The following ZBTB20 variants were observed in gnomAD, a reference collection of about 807,000 sequenced individuals.
ZBTB20 encodes the protein zinc finger and BTB domain-containing protein 20.
ZBTB20 carries 9 observed loss-of-function variants against 56.9 expected under a neutral mutation model. The ratio of observed to expected loss-of-function variants is 0.16; its 90% CI spans 0.10 to 0.28. The LOEUF (loss-of-function observed/expected upper bound fraction) is 0.28. Among genes scored for constraint, ZBTB20 ranks in the 10% least tolerant of loss-of-function variants. The probability of loss-of-function intolerance (pLI) is 1.00; values close to 1 mark genes in which losing one functional copy is unlikely to be tolerated. For missense variants in ZBTB20, 655 were observed against 1,003.0 expected, an observed-to-expected ratio of 0.65 and a Z score of 4.69; for synonymous variants, 417 against 420.7, an observed-to-expected ratio of 0.99 and a Z score of 0.11.
chr3:114,997,142 T>A (rs1407209470), intron 2 of ZBTB20, among the ~76,000 whole-genome samples: 2 of 151,796 alleles, frequency 1.3e-5, no homozygotes, highest in African/African-American at 4.8e-5. Context: ...GAGGTTTAAC[T>A]TGGAAAACAG....
At chr3:114,518,444 C>T (rs1324407379) in intron 6 of ZBTB20, 3 of 152,080 alleles carry the variant, frequency 2.0e-5, no homozygotes, top group African/African-American at 4.8e-5. Context: ...AAATCAAAGC[C>T]GTTTTGAGGT....
intron 2 of ZBTB20, among the ~76,000 whole-genome samples, chr3:115,052,926 T>C (rs1370267000): frequency 1.3e-5 from 2 of 152,148 alleles, no homozygotes; most frequent in Non-Finnish European, 2.9e-5. Context: ...AATTTTTAAT[T>C]AATTTCAAAA....
chr3:114,844,912 T>C (rs1338840184), intron 4 of ZBTB20, among the ~76,000 whole-genome samples: 3 of 145,128 alleles, frequency 2.1e-5, no homozygotes, highest in African/African-American at 7.6e-5. Flanking sequence ...CCCATTTAAA[T>C]AATATGTTGT....
intron 3 of ZBTB20, among the ~76,000 whole-genome samples, chr3:114,928,872 CA>C (rs1438864377): frequency 6.6e-6 from 1 of 152,114 alleles, no homozygotes; most frequent in East Asian, 1.9e-4. Context: ...AAGAAATAAA[CA>C]AAAACCAGGA....
chr3:114,612,806 A>G (rs6790584), intron 6 of ZBTB20, among the ~76,000 whole-genome samples: 27 of 152,338 alleles, frequency 1.8e-4, no homozygotes, highest in African/African-American at 6.5e-4. Flanking sequence ...AGCAGCTAAG[A>G]TAAGAAGCAT....
At position 114,792,354 on chromosome 3, in the gene ZBTB20, A is replaced by C. The variant is rs2071021640; in HGVS notation, c.-343+8747T>G. Among the ~76,000 whole-genome samples, 5 of 152,308 alleles carry C rather than the reference A, an allele frequency of 3.3e-5. No individual in the cohort carries two copies. The South Asian group carries it at 1.0e-3, about 32-fold the overall frequency. On this transcript the variant is annotated intron_variant, in intron 5 of 11. Transcript: ENST00000675478. ...AGAGTAAGGTGGTGCCAAAGAACAA[A>C]GTCCCTTCTGCTAAGCAGGAAAGAT...
chr3:115,035,800 C>G (rs531138741), intron 2 of ZBTB20, among the ~76,000 whole-genome samples: 3 of 152,156 alleles, frequency 2.0e-5, no homozygotes, highest in East Asian at 1.9e-4. Flanking sequence ...TTCACAATTA[C>G]TAAAATATGG....
chr3:114,861,043 C>A (rs745885189), intron 4 of ZBTB20, among the ~76,000 whole-genome samples: 1 of 152,166 alleles, frequency 6.6e-6, no homozygotes, highest in African/African-American at 2.4e-5. Context: ...TTTGCTGATA[C>A]ACACCAAGCT....
intron 1 of ZBTB20, among the ~76,000 whole-genome samples, chr3:115,117,343 TTA>T (rs1234165228): frequency 6.6e-6 from 1 of 152,168 alleles, no homozygotes; most frequent in Non-Finnish European, 1.5e-5. Context: ...TTAGTTTCTC[TTA>T]TCTTTTTCCT....
At chr3:114,621,781 C>T (rs1031271570) in intron 6 of ZBTB20, among the ~76,000 whole-genome samples, 1 of 152,026 alleles carries the variant, frequency 6.6e-6, no homozygotes, top group Non-Finnish European at 1.5e-5. Flanking sequence ...ATTGACAGTG[C>T]ATTGTGAAGG....
At chr3:114,805,344 C>T (rs144344906) in intron 4 of ZBTB20, among the ~76,000 whole-genome samples, 1,750 of 151,996 alleles carry the variant, frequency 0.012, 15 homozygotes, top group South Asian at 0.042. Flanking sequence ...TCTGTGATAA[C>T]TTCTTGGTCA....
chr3:114,521,832 A>C (rs1440620678), intron 6 of ZBTB20, among the ~76,000 whole-genome samples: 1 of 152,210 alleles, frequency 6.6e-6, no homozygotes, highest in Non-Finnish European at 1.5e-5. Context: ...TTGAAGAATA[A>C]GAAAATTTTG....
At chr3:114,573,637 G>A (rs558342690) in intron 6 of ZBTB20, among the ~76,000 whole-genome samples, 2 of 151,940 alleles carry the variant, frequency 1.3e-5, no homozygotes, top group South Asian at 4.2e-4. Context: ...GAACATCGAA[G>A]TTCAGGCTAA....
intron 6 of ZBTB20, among the ~76,000 whole-genome samples, chr3:114,655,144 T>A (rs1441203215): frequency 9.2e-5 from 14 of 152,200 alleles, no homozygotes; most frequent in Non-Finnish European, 1.6e-4. Flanking sequence ...AATGGAATTA[T>A]TGCTACAATT....
chr3:114,347,614 T>A (rs2108169675), intron 11 of ZBTB20, among the ~76,000 whole-genome samples: 1 of 152,338 alleles, frequency 6.6e-6, no homozygotes, highest in Middle Eastern at 3.4e-3. Context: ...CTTGAATTAT[T>A]TCCACATGTT....
intron 5 of ZBTB20, among the ~76,000 whole-genome samples, chr3:114,761,549 A>T (rs574862664): frequency 6.6e-6 from 1 of 152,266 alleles, no homozygotes; most frequent in South Asian, 2.1e-4. Flanking sequence ...ATTAAAGAAA[A>T]TAAGTCCGGG....
chr3:115,047,421 C>T (rs1355444816), intron 2 of ZBTB20, among the ~76,000 whole-genome samples: 3 of 152,156 alleles, frequency 2.0e-5, no homozygotes, highest in South Asian at 2.1e-4. Context: ...GCTGATTGTA[C>T]GAAATCCTCA....
intron 4 of ZBTB20, among the ~76,000 whole-genome samples, chr3:114,896,292 G>C (rs2074874825): frequency 1.3e-5 from 2 of 152,094 alleles, no homozygotes; most frequent in African/African-American, 2.4e-5. Context: ...AGAGATAGTT[G>C]TACACCTATA....
At chr3:114,397,266 A>T (rs563048653) in intron 7 of ZBTB20, among the ~76,000 whole-genome samples, 10 of 152,116 alleles carry the variant, frequency 6.6e-5, no homozygotes, top group African/African-American at 2.4e-4. Flanking sequence ...AACCTATGGC[A>T]GTTTTTCTTA....
Sources: gnomAD v4.1 joint callset for allele counts (sites outside exome capture counted in the v4.1 genomes callset) on GRCh38, gnomAD v4.1.1 for gene constraint, MANE v1.5 for transcripts, NCBI Gene and HGNC (gene_info 2026-07-23, HGNC 2026-07-21) for gene names.